Variants in MPPED2 observed in about 807,000 individuals in gnomAD.
The protein encoded by MPPED2 is metallophosphoesterase domain containing 2.
In MPPED2, 5 loss-of-function variants were observed where a neutral mutation model predicts 33.0. That is an observed-to-expected ratio of 0.15 (90% CI 0.08 to 0.32). MPPED2 has a LOEUF of 0.32. Among genes scored for constraint, MPPED2 ranks in the 10% least tolerant of loss-of-function variants. The pLI is 1.00. For missense variants in MPPED2, 275 were observed against 372.1 expected, an observed-to-expected ratio of 0.74 and a Z score of 2.15; for synonymous variants, 136 against 141.9, an observed-to-expected ratio of 0.96 and a Z score of 0.29.
chr11:30,485,336 C>T (rs1376281657), intron 4 of MPPED2, among the ~76,000 whole-genome samples: 2 of 106,932 alleles, frequency 1.9e-5, no homozygotes, highest in Non-Finnish European at 2.3e-5. Context: ...GAATGATGCT[C>T]AATAAATAGT....
At chr11:30,414,758 A>G (rs964146188) in intron 5 of MPPED2, among the ~76,000 whole-genome samples, 1 of 152,158 alleles carries the variant, frequency 6.6e-6, no homozygotes, top group Admixed American at 6.5e-5. Context: ...AAGGACTGAG[A>G]GGAGCTGCCT....
intron 6 of MPPED2, among the ~76,000 whole-genome samples, chr11:30,389,880 G>T (rs1176893760): frequency 6.6e-6 from 1 of 152,068 alleles, no homozygotes; most frequent in Non-Finnish European, 1.5e-5. Flanking sequence ...ATAATTTGGG[G>T]CATCAGAGTA....
At chr11:30,579,810 T>A (rs1488284168) in intron 2 of MPPED2, among the ~76,000 whole-genome samples, 1 of 145,706 alleles carries the variant, frequency 6.9e-6, no homozygotes, top group Non-Finnish European at 1.5e-5. Context: ...TGTAAAGGGC[T>A]AGTGGGGTGA....
chr11:30,455,338 C>T (rs1950237067), intron 4 of MPPED2, among the ~76,000 whole-genome samples: 1 of 152,196 alleles, frequency 6.6e-6, no homozygotes, highest in Non-Finnish European at 1.5e-5. Context: ...AGGGGGCCCA[C>T]AAGCTCTGCC....
At chr11:30,432,589 C>G (rs1171106324) in intron 4 of MPPED2, among the ~76,000 whole-genome samples, 3 of 152,148 alleles carry the variant, frequency 2.0e-5, no homozygotes, top group African/African-American at 7.2e-5. Flanking sequence ...ACAAGGCATG[C>G]CTGTGCAAAG....
chr11:30,456,579 G>A (rs930346132), intron 4 of MPPED2, among the ~76,000 whole-genome samples: 5 of 151,882 alleles, frequency 3.3e-5, no homozygotes, highest in African/African-American at 7.3e-5. Flanking sequence ...TGTGTGTGTA[G>A]TACAGGACTG....
At chr11:30,530,369 A>T (rs1404403663) in intron 3 of MPPED2, among the ~76,000 whole-genome samples, 1 of 152,172 alleles carries the variant, frequency 6.6e-6, no homozygotes, top group Admixed American at 6.5e-5. Flanking sequence ...GTACACCAAC[A>T]ATGTTCCAGG....
At position 30,441,773 on chromosome 11, in the gene MPPED2, C is replaced by G. The variant is rs74735188; in HGVS notation, c.537-24140G>C. On this transcript the variant is annotated intron_variant, in intron 4 of 6. Coordinates refer to ENST00000358117, the MANE Select transcript of MPPED2 (RefSeq NM_001584.3). ...TGCATAGGTTTCCCCATTCCTGATT[C>G]CCAGTGGGAACAAGTGCTGAGGCCT... Among the ~76,000 whole-genome samples, 3 of 152,228 alleles carry G rather than the reference C, an allele frequency of 2.0e-5. No individual in the cohort carries two copies. The East Asian group carries it at 5.8e-4, about 29-fold the overall frequency.
chr11:30,572,594 G>A (rs756872669), intron 2 of MPPED2, among the ~76,000 whole-genome samples: 4 of 152,134 alleles, frequency 2.6e-5, no homozygotes, highest in Non-Finnish European at 5.9e-5. Context: ...ATGAAAATAA[G>A]AAAGTGGCTT....
At chr11:30,558,786 T>C (rs1328346151) in intron 2 of MPPED2, among the ~76,000 whole-genome samples, 1 of 151,842 alleles carries the variant, frequency 6.6e-6, no homozygotes, top group Non-Finnish European at 1.5e-5. Flanking sequence ...CTTTTTTTTT[T>C]TCTGGCTTGG....
intron 4 of MPPED2, among the ~76,000 whole-genome samples, chr11:30,447,940 A>G (rs1949885361): frequency 1.3e-5 from 2 of 152,164 alleles, no homozygotes; most frequent in Non-Finnish European, 2.9e-5. Flanking sequence ...TAGACCCTCG[A>G]AAGATAAAAT....
intron 6 of MPPED2, among the ~76,000 whole-genome samples, chr11:30,403,226 G>A (rs1001515391): frequency 1.7e-4 from 24 of 143,364 alleles, no homozygotes; most frequent in Non-Finnish European, 2.9e-4. Context: ...CAGCCTGGGC[G>A]ACAGAGCGAG....
chr11:30,437,613 C>T (rs113802116), intron 4 of MPPED2, among the ~76,000 whole-genome samples: 24 of 152,300 alleles, frequency 1.6e-4, no homozygotes, highest in African/African-American at 5.8e-4. Flanking sequence ...TAGTCGCCAG[C>T]CTTCCTCTAC....
chr11:30,400,986 C>G (rs2133708166), intron 6 of MPPED2, among the ~76,000 whole-genome samples: 1 of 152,230 alleles, frequency 6.6e-6, no homozygotes, highest in East Asian at 1.9e-4. Flanking sequence ...CCAGGCTGGT[C>G]TAGAATTCCT....
At chr11:30,497,809 T>C (rs1952350939) in intron 3 of MPPED2, among the ~76,000 whole-genome samples, 1 of 152,084 alleles carries the variant, frequency 6.6e-6, no homozygotes, top group Non-Finnish European at 1.5e-5. Flanking sequence ...AGACTCAGCA[T>C]AAAAAGGTAG....
chr11:30,491,228 G>A (rs930064818), intron 4 of MPPED2, among the ~76,000 whole-genome samples: 2 of 152,164 alleles, frequency 1.3e-5, no homozygotes, highest in Admixed American at 6.5e-5. Flanking sequence ...AATTGTACAA[G>A]ACATTAAAGG....
At chr11:30,464,161 A>G (rs1156251604) in intron 4 of MPPED2, among the ~76,000 whole-genome samples, 1 of 152,070 alleles carries the variant, frequency 6.6e-6, no homozygotes, top group Non-Finnish European at 1.5e-5. Flanking sequence ...TTGATCTTTT[A>G]TCAGAGGCAG....
At chr11:30,513,162 T>C (rs78287822) in intron 3 of MPPED2, among the ~76,000 whole-genome samples, 211 of 152,304 alleles carry the variant, frequency 1.4e-3, no homozygotes, top group African/African-American at 5.0e-3. Context: ...TGACCAGCAT[T>C]ACCCTAGCAA....
At position 30,486,405 on chromosome 11, in the gene MPPED2, C is replaced by A. The variant is rs535256614; in HGVS notation, c.536+8891G>T. Among the ~76,000 whole-genome samples the A allele has an allele frequency of 2.0e-5, 3 of 152,274 alleles. No homozygotes were observed. In the South Asian group the frequency reaches 6.2e-4, roughly 32 times the overall value. On this transcript the variant is annotated intron_variant, in intron 4 of 6. Coordinates refer to ENST00000358117, the MANE Select transcript of MPPED2 (RefSeq NM_001584.3). ...AGAACTCAATCACTGAGAATTCAGC[C>A]ACTGAGAAAAGGGAATACTGTATAT...
Sources: gnomAD v4.1 joint callset for allele counts (sites outside exome capture counted in the v4.1 genomes callset) on GRCh38, gnomAD v4.1.1 for gene constraint, MANE v1.5 for transcripts, NCBI Gene and HGNC (gene_info 2026-07-23, HGNC 2026-07-21) for gene names.